Variants in NTM observed in about 807,000 individuals in gnomAD.
NTM encodes the protein IgLON family member 2.
Under a neutral mutation model 42.1 loss-of-function variants are expected in NTM, and 13 were observed. The ratio of observed to expected loss-of-function variants is 0.31; its 90% CI spans 0.20 to 0.49. The LOEUF is 0.49. Ranked by LOEUF, NTM falls within the 20% of genes least tolerant of loss-of-function variation. The pLI, the probability that NTM is intolerant of heterozygous loss-of-function variation, is 0.99. For missense variants in NTM, 373 were observed against 452.8 expected, an observed-to-expected ratio of 0.82 and a Z score of 1.60; for synonymous variants, 187 against 179.2, an observed-to-expected ratio of 1.04 and a Z score of -0.35.
chr11:132,037,914 T>C (rs189541682), intron 2 of NTM, among the ~76,000 whole-genome samples: 13 of 152,372 alleles, frequency 8.5e-5, no homozygotes, highest in Non-Finnish European at 1.6e-4. Context: ...CTGAAGCAGA[T>C]AACTCCATGT....
At chr11:131,800,654 G>A (rs992747218) in intron 1 of NTM, among the ~76,000 whole-genome samples, 1 of 152,148 alleles carries the variant, frequency 6.6e-6, no homozygotes, top group African/African-American at 2.4e-5. Flanking sequence ...TGACTCCCCT[G>A]CTGCTTGGAT....
intron 1 of NTM, among the ~76,000 whole-genome samples, chr11:131,624,385 G>T (rs968794619): frequency 6.6e-6 from 1 of 152,030 alleles, no homozygotes; most frequent in Non-Finnish European, 1.5e-5. Context: ...TCTGTAGAAC[G>T]GGCACAGCAC....
At chr11:131,677,064 A>T (rs186103597) in intron 1 of NTM, among the ~76,000 whole-genome samples, 27 of 152,346 alleles carry the variant, frequency 1.8e-4, no homozygotes, top group Non-Finnish European at 7.3e-5. Context: ...AATCACCAGC[A>T]GCTAGATCTG....
chr11:131,904,891 G>A (rs2053644021), intron 1 of NTM, among the ~76,000 whole-genome samples: 1 of 152,154 alleles, frequency 6.6e-6, no homozygotes, highest in South Asian at 2.1e-4. Context: ...TGGTCTAGAG[G>A]CTGTGCTACT....
intron 1 of NTM, among the ~76,000 whole-genome samples, chr11:131,564,529 T>C (rs1440719796): frequency 6.6e-6 from 1 of 152,110 alleles, no homozygotes; most frequent in Non-Finnish European, 1.5e-5. Flanking sequence ...TCCAGCTTTT[T>C]TGAGGTATTG....
chr11:132,028,030 G>A (rs180919692), intron 2 of NTM, among the ~76,000 whole-genome samples: 4 of 149,984 alleles, frequency 2.7e-5, no homozygotes, highest in Admixed American at 6.6e-5. Flanking sequence ...CATTTCTGTT[G>A]ATTTTTTTTT....
intron 4 of NTM, among the ~76,000 whole-genome samples, chr11:132,212,645 C>A (rs1215416178): frequency 6.6e-6 from 1 of 152,142 alleles, no homozygotes; most frequent in Non-Finnish European, 1.5e-5. Context: ...TCCTAGAGAA[C>A]AAATATAACT....
intron 8 of NTM, chr11:132,332,580 G>C (rs993497794): frequency 6.6e-6 from 1 of 152,262 alleles, no homozygotes; most frequent in Non-Finnish European, 1.5e-5. Flanking sequence ...CCAGCATGGA[G>C]CAGATCCACA....
chr11:131,631,258 T>G (rs2063628636), intron 1 of NTM, among the ~76,000 whole-genome samples: 1 of 152,216 alleles, frequency 6.6e-6, no homozygotes, highest in South Asian at 2.1e-4. Flanking sequence ...CGTAGCTTAC[T>G]AAGTGTTCAG....
At chr11:132,213,116 A>G (rs2083158886) in intron 4 of NTM, among the ~76,000 whole-genome samples, 1 of 152,170 alleles carries the variant, frequency 6.6e-6, no homozygotes, top group Non-Finnish European at 1.5e-5. Flanking sequence ...TGTGTTGCTT[A>G]TTGCTGATTA....
chr11:132,038,348 T>C (rs1038342946), intron 2 of NTM, among the ~76,000 whole-genome samples: 41 of 152,322 alleles, frequency 2.7e-4, no homozygotes, highest in African/African-American at 9.4e-4. Context: ...GGAGTGGAGA[T>C]GTTCTTAATG....
At chr11:131,840,975 A>G (rs553772801) in intron 1 of NTM, among the ~76,000 whole-genome samples, 74 of 152,362 alleles carry the variant, frequency 4.9e-4, no homozygotes, top group Admixed American at 1.6e-3. Context: ...AACTAGTGGG[A>G]AAGTATGGTC....
intron 2 of NTM, among the ~76,000 whole-genome samples, chr11:132,094,301 G>A (rs1284145346): frequency 2.0e-5 from 3 of 152,174 alleles, no homozygotes; most frequent in East Asian, 3.9e-4. Flanking sequence ...AAGATAAGTT[G>A]GCAAGCTGGA....
At chr11:132,037,054 T>C (rs2076593713) in intron 2 of NTM, among the ~76,000 whole-genome samples, 1 of 152,210 alleles carries the variant, frequency 6.6e-6, no homozygotes, top group South Asian at 2.1e-4. Flanking sequence ...TGCTATAGTT[T>C]GGATGTTTGA....
intron 2 of NTM, among the ~76,000 whole-genome samples, chr11:132,019,621 A>C (rs944372547): frequency 5.3e-5 from 8 of 152,004 alleles, no homozygotes; most frequent in African/African-American, 1.9e-4. Flanking sequence ...TGGTATTAAA[A>C]AAATTTCCTT....
intron 4 of NTM, among the ~76,000 whole-genome samples, chr11:132,230,867 T>C (rs373328916): frequency 6.6e-6 from 1 of 152,028 alleles, no homozygotes; most frequent in Non-Finnish European, 1.5e-5. Flanking sequence ...TACAAAAAAA[T>C]TTTTTAATCA....
chr11:132,205,082 C>G (rs1363021295), intron 3 of NTM, among the ~76,000 whole-genome samples: 1 of 152,176 alleles, frequency 6.6e-6, no homozygotes, highest in African/African-American at 2.4e-5. Context: ...CCTAAAGAGG[C>G]CTTAGCAGTG....
At chr11:132,191,076 A>G (rs1226168383) in intron 3 of NTM, among the ~76,000 whole-genome samples, 1 of 152,228 alleles carries the variant, frequency 6.6e-6, no homozygotes, top group Non-Finnish European at 1.5e-5. Context: ...AGTATTTACC[A>G]GAGGGGAAAA....
intron 1 of NTM, among the ~76,000 whole-genome samples, chr11:131,414,922 G>T (rs924193518): frequency 1.3e-5 from 2 of 152,102 alleles, no homozygotes; most frequent in African/African-American, 4.8e-5. Context: ...AAAGCAAATT[G>T]TGCATCCCTA....
Sources: allele counts gnomAD v4.1 joint callset (sites outside exome capture counted in the v4.1 genomes callset), GRCh38; gene constraint gnomAD v4.1.1; transcripts MANE v1.5; gene names NCBI Gene and HGNC (gene_info 2026-07-23, HGNC 2026-07-21).